MYT1L: variants seen among roughly 807,000 people sequenced by gnomAD.
MYT1L encodes the protein myelin transcription factor 1 like, also known as myelin transcription factor 1-like protein.
A neutral mutation model predicts 126.7 loss-of-function variants in MYT1L; 12 were observed. The observed-to-expected ratio is 0.09, with a 90% confidence interval of 0.06 to 0.15. MYT1L has a LOEUF of 0.15. MYT1L is among the 10% of genes least tolerant of loss of function. The pLI, the probability that MYT1L is intolerant of heterozygous loss-of-function variation, is 1.00. For missense variants in MYT1L, 979 were observed against 1,585.2 expected (o/e 0.62, Z 6.49); for synonymous variants, 541 against 604.2 (o/e 0.90, Z 1.53).
At chr2:2,121,323 G>A (rs1262566079) in intron 3 of MYT1L, among the ~76,000 whole-genome samples, 1 of 151,888 alleles carries the variant, frequency 6.6e-6, no homozygotes, top group Non-Finnish European at 1.5e-5. Context: ...GATTACAGGT[G>A]TCCACCATCA....
intron 1 of MYT1L, among the ~76,000 whole-genome samples, chr2:2,291,274 C>G (rs2149462173): frequency 6.6e-6 from 1 of 152,218 alleles, no homozygotes; most frequent in East Asian, 1.9e-4. Flanking sequence ...ACTATGAAAC[C>G]AGTGATTTGT....
chr2:1,952,024 C>T (rs1267522850), intron 8 of MYT1L, among the ~76,000 whole-genome samples: 3 of 152,168 alleles, frequency 2.0e-5, no homozygotes, highest in African/African-American at 7.2e-5. Flanking sequence ...TAAAATATTA[C>T]ATTAAATATA....
chr2:2,114,021 C>T lies in MYT1L; in HGVS notation c.-304+58851G>A, dbSNP rs545102756. ...GAAAATAGTTATGAAAACATTACTG[C>T]CTCCATTACACAGATAGGAAAATAG... On this transcript the variant is annotated intron_variant, in intron 3 of 24. Transcript: ENST00000647738. 2.0e-3 allele frequency among the ~76,000 whole-genome samples: 308 copies of T among 152,178 alleles called. 3 individuals carry two copies. Among genetic ancestry groups the T allele is most frequent in the Non-Finnish European group, 6.5e-4 (44 of 68,006 alleles).
At chr2:2,072,321 C>T (rs1159606399) in intron 3 of MYT1L, among the ~76,000 whole-genome samples, 3 of 152,196 alleles carry the variant, frequency 2.0e-5, no homozygotes, top group Non-Finnish European at 4.4e-5. Flanking sequence ...TAAATGTATG[C>T]TGAGCACTTC....
At chr2:2,291,180 G>A (rs922208598) in intron 1 of MYT1L, among the ~76,000 whole-genome samples, 3 of 152,112 alleles carry the variant, frequency 2.0e-5, no homozygotes, top group African/African-American at 4.8e-5. Context: ...CCTAAGAAGC[G>A]AGAATGATGA....
intron 2 of MYT1L, among the ~76,000 whole-genome samples, chr2:2,273,580 T>G (rs1372347627): frequency 6.6e-6 from 1 of 152,188 alleles, no homozygotes; most frequent in Non-Finnish European, 1.5e-5. Context: ...ACTCAGAGCA[T>G]AGGGCAGTCA....
At chr2:2,215,868 G>C (rs1026843807) in intron 2 of MYT1L, among the ~76,000 whole-genome samples, 1 of 152,138 alleles carries the variant, frequency 6.6e-6, no homozygotes, top group Non-Finnish European at 1.5e-5. Flanking sequence ...GCATTCCCCA[G>C]TGTTGGAGGT....
chr2:1,942,961 T>G, intron 9 of MYT1L, 21 bp downstream of exon 9: 1 of 1,507,790 alleles, frequency 6.6e-7, no homozygotes, highest in African/African-American at 1.4e-5. Context: ...CTTGTTACTT[T>G]GCTAATATTT....
intron 21 of MYT1L, among the ~76,000 whole-genome samples, chr2:1,823,527 C>T (rs926384818): frequency 4.6e-5 from 7 of 152,190 alleles, no homozygotes; most frequent in Admixed American, 1.3e-4. Context: ...AGGACGGAAG[C>T]GAAGGCTGCA....
At chr2:2,195,832 T>G (rs1475843451) in intron 2 of MYT1L, among the ~76,000 whole-genome samples, 1 of 152,112 alleles carries the variant, frequency 6.6e-6, no homozygotes, top group Non-Finnish European at 1.5e-5. Flanking sequence ...GAAAATGGGC[T>G]AGGAGAAACT....
At chr2:1,792,738 C>T (rs950329853) in intron 23 of MYT1L, among the ~76,000 whole-genome samples, 1 of 151,940 alleles carries the variant, frequency 6.6e-6, no homozygotes, top group South Asian at 2.1e-4. Context: ...GGCGTGGTGG[C>T]GTGCGCCTGT....
At chr2:1,850,033 A>AG (rs144095840) in intron 19 of MYT1L, among the ~76,000 whole-genome samples, 53,147 of 117,568 alleles carry the variant, frequency 0.45, 11,058 homozygotes, top group East Asian at 0.61. Flanking sequence ...CGGGGTGGTG[A>AG]GGGGGGGGCC....
At chr2:2,255,013 C>T (rs1005854139) in intron 2 of MYT1L, among the ~76,000 whole-genome samples, 6 of 151,912 alleles carry the variant, frequency 3.9e-5, no homozygotes, top group African/African-American at 1.5e-4. Flanking sequence ...ACCCATCTGC[C>T]TCCAGGAAAT....
intron 3 of MYT1L, among the ~76,000 whole-genome samples, chr2:2,094,811 T>C (rs1383210221): frequency 6.6e-6 from 1 of 151,732 alleles, no homozygotes; most frequent in African/African-American, 2.4e-5. Flanking sequence ...TTAGGAGATA[T>C]ACCTATTGTA....
chr2:2,205,606 C>A (rs968726467), intron 2 of MYT1L, among the ~76,000 whole-genome samples: 5 of 152,134 alleles, frequency 3.3e-5, no homozygotes, highest in African/African-American at 1.2e-4. Context: ...ATTGTCTCTC[C>A]CTCTCTCCAC....
intron 18 of MYT1L, among the ~76,000 whole-genome samples, chr2:1,860,150 G>A (rs1167436263): frequency 6.6e-6 from 1 of 152,204 alleles, no homozygotes; most frequent in East Asian, 1.9e-4. Context: ...TGTCCAGTGC[G>A]GCAGAACGTA....
rs895894400 is a variant in MYT1L, at chr2:2,166,523, G to A, written c.-304+6349C>T. On this transcript the variant is annotated intron_variant, in intron 3 of 24. Coordinates refer to ENST00000647738, the MANE Select transcript of MYT1L (RefSeq NM_001303052.2). ...TCCAGAGCTGTTATTCTCTGGCTGC[G>A]ACCTTGGTCAAGTCATTTAAGCTAT... Among the ~76,000 whole-genome samples the A allele has an allele frequency of 3.3e-5, 5 of 152,188 alleles. No homozygotes were observed. The East Asian group carries it at 7.7e-4, about 23-fold the overall frequency.
rs374256153 is a variant in MYT1L at position 2,228,191 on chromosome 2, G to T, written c.-420-55203C>A. Reference sequence around the variant, plus strand: ...ACCTACATAAAAGACAGGGCAAGGGGGTGATTCTGTAATATACATTTTGTA... The same window carrying T: ...ACCTACATAAAAGACAGGGCAAGGGTGTGATTCTGTAATATACATTTTGTA... On this transcript the variant is annotated intron_variant, in intron 2 of 24. Coordinates refer to ENST00000647738, the MANE Select transcript of MYT1L (RefSeq NM_001303052.2). The surrounding 1 kb of genome is among the most constrained non-coding windows in gnomAD (Gnocchi z 5.9). Among the ~76,000 whole-genome samples the T allele has an allele frequency of 6.6e-6, 1 of 152,080 alleles. No homozygotes were observed. Among genetic ancestry groups the T allele is most frequent in the Non-Finnish European group, 1.5e-5 (1 of 68,018 alleles).
At chr2:2,148,271 G>A (rs907682360) in intron 3 of MYT1L, among the ~76,000 whole-genome samples, 4 of 152,210 alleles carry the variant, frequency 2.6e-5, no homozygotes, top group African/African-American at 9.7e-5. Flanking sequence ...TGACGGGGTG[G>A]AGATGGATGG....
Sources: allele counts gnomAD v4.1 joint callset (sites outside exome capture counted in the v4.1 genomes callset), GRCh38; gene constraint gnomAD v4.1.1; non-coding constraint Gnocchi (gnomAD v3.1); transcripts MANE v1.5; gene names NCBI Gene and HGNC (gene_info 2026-07-23, HGNC 2026-07-21).